Variants in SIPA1L3 observed in about 807,000 individuals in gnomAD.
The protein encoded by SIPA1L3 is signal-induced proliferation-associated 1-like protein 3.
Under a neutral mutation model 150.1 loss-of-function variants are expected in SIPA1L3, and 59 were observed. That is an observed-to-expected ratio of 0.39 (90% CI 0.32 to 0.49). The LOEUF is 0.49. SIPA1L3 is among the 20% of genes least tolerant of loss of function. The pLI, the probability that SIPA1L3 is intolerant of heterozygous loss-of-function variation, is 0.86. For missense variants in SIPA1L3, 2,211 were observed against 2,489.5 expected (o/e 0.89, Z 2.38); for synonymous variants, 1,070 against 1,077.6 (o/e 0.99, Z 0.14).
Position 38,119,512 on chromosome 19 carries a change from T to C in SIPA1L3, c.2498T>C (p.Val833Ala), listed in dbSNP as rs2145895273. The C allele has an allele frequency of 6.2e-7, 1 of 1,614,116 alleles. No individual in the cohort carries two copies. ...CTCAAGGACCTGGCCGAAAACTGTG[T>C]CTCCAACACCCCCATCGACTCCACC... ...EYLKDLAENC[V>A]SNTPIDSTGK... Residue 833 changes from valine (V) to alanine (A), a missense_variant, in exon 9 of 22, where the codon GTC becomes GCC. Val to Ala is a moderately conservative substitution (Grantham distance 64). Transcript: ENST00000222345.
intron 9 of SIPA1L3, among the ~76,000 whole-genome samples, chr19:38,128,945 A>G (rs1458105631): frequency 6.6e-6 from 1 of 152,202 alleles, no homozygotes; most frequent in East Asian, 1.9e-4. Context: ...GAAAAGTATG[A>G]AAGCGGGCAT....
chr19:38,049,596 A>T (rs890899905), intron 2 of SIPA1L3, among the ~76,000 whole-genome samples: 16 of 151,898 alleles, frequency 1.1e-4, no homozygotes, highest in African/African-American at 1.9e-4. Context: ...CATGGGGCTT[A>T]CCCCCAGGAG....
intron 2 of SIPA1L3, among the ~76,000 whole-genome samples, chr19:38,069,778 C>T (rs1969675057): frequency 6.6e-6 from 1 of 151,948 alleles, no homozygotes; most frequent in Non-Finnish European, 1.5e-5. Flanking sequence ...GATTCTCCTG[C>T]CTCAGCCTCC....
At chr19:38,191,880 C>T (rs1177219522) in intron 16 of SIPA1L3, among the ~76,000 whole-genome samples, 5 of 152,182 alleles carry the variant, frequency 3.3e-5, no homozygotes, top group Non-Finnish European at 7.3e-5. Context: ...GCGTGGGCCT[C>T]CCCCACTGGC....
At chr19:38,158,705 A>G (rs74654181) in intron 13 of SIPA1L3, among the ~76,000 whole-genome samples, 1,558 of 152,336 alleles carry the variant, frequency 0.01, 28 homozygotes, top group African/African-American at 0.036. Flanking sequence ...GATGATGCCT[A>G]GTTGTGGGCA....
At chr19:37,998,379 G>A (rs1204378430) in intron 1 of SIPA1L3, among the ~76,000 whole-genome samples, 3 of 152,096 alleles carry the variant, frequency 2.0e-5, no homozygotes, top group African/African-American at 7.2e-5. Flanking sequence ...ATTTTGATTG[G>A]TAATGGAACC....
At chr19:38,174,808 T>C (rs1972404006) in intron 15 of SIPA1L3, among the ~76,000 whole-genome samples, 1 of 150,798 alleles carries the variant, frequency 6.6e-6, no homozygotes, top group Admixed American at 6.6e-5. Context: ...GACTCCAGCC[T>C]GGGTGACAGA....
intron 2 of SIPA1L3, among the ~76,000 whole-genome samples, chr19:38,045,189 C>T (rs1969026691): frequency 6.6e-6 from 1 of 152,002 alleles, no homozygotes; most frequent in Non-Finnish European, 1.5e-5. Context: ...ACCAGCCTGG[C>T]CAACATGGTG....
intron 8 of SIPA1L3, among the ~76,000 whole-genome samples, chr19:38,118,569 T>G (rs1444130205): frequency 1.3e-5 from 2 of 151,860 alleles, no homozygotes; most frequent in South Asian, 2.1e-4. Flanking sequence ...AGTCTCGATC[T>G]GTGCCCCAGG....
rs1053644355 is a variant in SIPA1L3, at chr19:38,207,351, A to AT, written c.*1112dup. 1 of 151,354 alleles carries AT rather than the reference A, an allele frequency of 6.6e-6. No homozygotes were observed. The highest frequency in any genetic ancestry group is 1.5e-5 in the Non-Finnish European group (1 of 67,906). 9.4% of individuals were successfully genotyped at this position (151,354 alleles called of 1,614,324 possible). A position where few individuals can be genotyped will look rare whatever the true frequency, so the allele number is the denominator to read the frequency against. The stretch of plus-strand genomic sequence containing the variant: ...TCTCTAAAGGCAATAAGGGGCGGCC[A>AT]TGCCGGTGTGGTACCACGCTGTTCC... On this transcript the variant is annotated 3_prime_UTR_variant, in exon 22 of 22. Transcript: ENST00000222345.
Position 38,099,946 on chromosome 19 carries a change from T to C in SIPA1L3, c.1666-16T>C. On this transcript the variant is annotated splice_polypyrimidine_tract_variant and intron_variant, in intron 4 of 21. Coordinates refer to ENST00000222345, the MANE Select transcript of SIPA1L3 (RefSeq NM_015073.3). ...TCTCGAGAGCCCCCTAACCTTCCCT[T>C]CTCTCCCTTGAGTAGCTCATCACCC... 6.3e-7 allele frequency: 1 copy of C among 1,576,600 alleles called. No individual in the cohort carries two copies.
At chr19:37,914,397 G>T (rs2046399803) in intron 1 of SIPA1L3, among the ~76,000 whole-genome samples, 1 of 147,530 alleles carries the variant, frequency 6.8e-6, no homozygotes, top group Non-Finnish European at 1.5e-5. Context: ...TTGTGGCAGG[G>T]TCTGCTCTGT....
chr19:38,173,295 G>A (rs566799806), intron 15 of SIPA1L3, among the ~76,000 whole-genome samples: 25 of 152,298 alleles, frequency 1.6e-4, no homozygotes, highest in East Asian at 5.8e-4. Flanking sequence ...GGCCCTTGCC[G>A]TGGAAGCAGG....
chr19:38,028,931 T>G (rs890648677), intron 1 of SIPA1L3, among the ~76,000 whole-genome samples, 158 bp from the exon 2 acceptor site: 5 of 152,196 alleles, frequency 3.3e-5, no homozygotes, highest in African/African-American at 1.2e-4. Flanking sequence ...TGGCCTCAAG[T>G]GATCCGCCTG....
chr19:38,202,361 G>A (rs913396826), intron 20 of SIPA1L3, among the ~76,000 whole-genome samples: 9 of 152,182 alleles, frequency 5.9e-5, no homozygotes, highest in Non-Finnish European at 1.2e-4. Context: ...GCCAAGGTGG[G>A]TGGATCACTT....
chr19:37,943,676 T>C (rs1191083975), intron 1 of SIPA1L3, among the ~76,000 whole-genome samples: 2 of 152,128 alleles, frequency 1.3e-5, no homozygotes, highest in Non-Finnish European at 2.9e-5. Flanking sequence ...CATCAAATCC[T>C]CCTTATCACC....
At chr19:38,012,916 C>T (rs1968138299) in intron 1 of SIPA1L3, among the ~76,000 whole-genome samples, 1 of 152,100 alleles carries the variant, frequency 6.6e-6, no homozygotes, top group Non-Finnish European at 1.5e-5. Flanking sequence ...ATTCTTCTAC[C>T]ATCTTTGTCC....
Position 38,071,255 on chromosome 19 carries a change from ATCT to A in SIPA1L3, c.-310-10000_-310-9998del, listed in dbSNP as rs926014414. Among the ~76,000 whole-genome samples the A allele has an allele frequency of 3.5e-5, 5 of 143,362 alleles. No homozygotes were observed. The South Asian group carries it at 8.7e-4, about 25-fold the overall frequency. The allele number at this position is 143,362 out of a possible 152,430, so 94.1% of individuals were successfully genotyped here. A position where few individuals can be genotyped will look rare whatever the true frequency, so the allele number is the denominator to read the frequency against. ...TATCTATCTATCTATCTATCTATCT[ATCT>A]ATCTATCTGCCTGCCTACCCTACCT... On this transcript the variant is annotated intron_variant, in intron 2 of 21. Coordinates refer to ENST00000222345, the MANE Select transcript of SIPA1L3 (RefSeq NM_015073.3).
At chr19:37,935,731 GGACTTA>G (rs1421244666) in intron 1 of SIPA1L3, among the ~76,000 whole-genome samples, 3 of 152,144 alleles carry the variant, frequency 2.0e-5, no homozygotes, top group Non-Finnish European at 4.4e-5. Context: ...GCCTGTAGCT[GGACTTA>G]TAACACGGCA....
Sources: allele counts gnomAD v4.1 joint callset (sites outside exome capture counted in the v4.1 genomes callset), GRCh38; gene constraint gnomAD v4.1.1; transcripts MANE v1.5; gene names NCBI Gene and HGNC (gene_info 2026-07-23, HGNC 2026-07-21).